USH2A: variants seen among roughly 807,000 people sequenced by gnomAD.
USH2A encodes the protein usherin.
USH2A carries 443 observed loss-of-function variants against 538.9 expected under a neutral mutation model. The ratio of observed to expected loss-of-function variants is 0.82; its 90% CI spans 0.76 to 0.89. USH2A has a LOEUF of 0.89. Ranked by LOEUF, USH2A falls within the 40% of genes least tolerant of loss-of-function variation. USH2A has a pLI of 0.00. For missense variants in USH2A, 6,633 were observed against 6,324.8 expected (o/e 1.05, Z -1.65); for synonymous variants, 2,413 against 2,273.5 (o/e 1.06, Z -1.75).
intron 20 of USH2A, among the ~76,000 whole-genome samples, chr1:216,188,697 A>G (rs1426853312): frequency 1.3e-5 from 2 of 151,946 alleles, no homozygotes; most frequent in African/African-American, 4.8e-5. Context: ...CACTGAAGGT[A>G]TCAGACATGG....
intron 14 of USH2A, among the ~76,000 whole-genome samples, chr1:216,223,326 A>T (rs115515643): frequency 1.1e-3 from 166 of 152,328 alleles, no homozygotes; most frequent in African/African-American, 3.7e-3. Context: ...GATACTTCTT[A>T]TCAGATCATA....
intron 61 of USH2A, among the ~76,000 whole-genome samples, chr1:215,684,951 A>G (rs1658364921): frequency 6.6e-6 from 1 of 151,264 alleles, no homozygotes; most frequent in Middle Eastern, 3.2e-3. Flanking sequence ...TAACCTCTGT[A>G]TTCTTAAGTT....
At chr1:216,056,971 T>C (rs1400749369) in intron 30 of USH2A, among the ~76,000 whole-genome samples, 1 of 152,234 alleles carries the variant, frequency 6.6e-6, no homozygotes, top group Non-Finnish European at 1.5e-5. Context: ...AACCTTGAAG[T>C]ATTTGTATTG....
intron 61 of USH2A, among the ~76,000 whole-genome samples, chr1:215,706,485 A>G (rs1404786767): frequency 6.6e-6 from 1 of 152,150 alleles, no homozygotes; most frequent in Non-Finnish European, 1.5e-5. Context: ...TGAAAATATG[A>G]TGACTGTTGA....
At chr1:215,704,104 G>A (rs185487295) in intron 61 of USH2A, among the ~76,000 whole-genome samples, 46 of 152,286 alleles carry the variant, frequency 3.0e-4, no homozygotes, top group Non-Finnish European at 5.4e-4. Context: ...CGGGTGAGGC[G>A]ACGCCCCACC....
At chr1:215,924,708 A>G (rs770794615) in intron 38 of USH2A, among the ~76,000 whole-genome samples, 5 of 152,126 alleles carry the variant, frequency 3.3e-5, no homozygotes, top group Non-Finnish European at 7.4e-5. Flanking sequence ...GTTAGAAAAT[A>G]TCAATGGAAC....
chr1:216,089,209 TA>T (rs1490867354), intron 22 of USH2A, 70 bp from the exon 23 acceptor site: 79 of 1,487,922 alleles, frequency 5.3e-5, no homozygotes, highest in Middle Eastern at 1.7e-4. Context: ...ACATATTTGT[TA>T]TAAACCAATT....
intron 5 of USH2A, among the ~76,000 whole-genome samples, chr1:216,325,867 A>G (rs998291878): frequency 2.0e-5 from 3 of 152,234 alleles, no homozygotes; most frequent in Non-Finnish European, 4.4e-5. Context: ...TCTGATTATT[A>G]AGATACTTAT....
chr1:215,627,434 TTCC>T (rs1558027444), intron 71 of USH2A, among the ~76,000 whole-genome samples: 2,912 of 102,330 alleles, frequency 0.028, 164 homozygotes, highest in South Asian at 0.081. Flanking sequence ...CCTTCCTTCC[TTCC>T]TTCCTTCCTT....
chr1:216,206,123 A>G (rs1178665538), intron 16 of USH2A, among the ~76,000 whole-genome samples: 1 of 152,144 alleles, frequency 6.6e-6, no homozygotes, highest in Non-Finnish European at 1.5e-5. Flanking sequence ...TAGTTCTTTA[A>G]CCTGAGAATT....
intron 43 of USH2A, among the ~76,000 whole-genome samples, chr1:215,867,926 T>G (rs1198642802): frequency 6.6e-6 from 1 of 152,166 alleles, no homozygotes; most frequent in Non-Finnish European, 1.5e-5. Flanking sequence ...CAGAAGACCA[T>G]CAGGCTTCCT....
intron 30 of USH2A, among the ~76,000 whole-genome samples, chr1:216,062,934 T>C (rs1361810196): frequency 6.6e-6 from 1 of 152,210 alleles, no homozygotes; most frequent in Non-Finnish European, 1.5e-5. Flanking sequence ...ATTTTCTGAT[T>C]AGCATTTTTT....
chr1:216,285,017 A>G (rs988159117), intron 11 of USH2A, among the ~76,000 whole-genome samples: 3 of 152,248 alleles, frequency 2.0e-5, no homozygotes, highest in African/African-American at 7.2e-5. Context: ...GAAGCAGAGC[A>G]TAAAAGTTTG....
rs2102618313 is a variant in USH2A, at chr1:215,622,912, A to G, written c.*2869T>C. On this transcript the variant is annotated 3_prime_UTR_variant, in exon 72 of 72. Coordinates refer to ENST00000307340, the MANE Select transcript of USH2A (RefSeq NM_206933.4). Reference sequence around the variant, plus strand: ...AGAATTAGGTCACATTCAAATATTTATTAAGCAAACCATCTTTAGATTAGT... The same window carrying G: ...AGAATTAGGTCACATTCAAATATTTGTTAAGCAAACCATCTTTAGATTAGT... 6.6e-6 allele frequency: 1 copy of G among 152,266 alleles called. No individual in the cohort carries two copies. The highest frequency in any genetic ancestry group is 6.5e-5 in the Admixed American group (1 of 15,282). The allele number at this position is 152,266 out of a possible 1,614,324, so 9.4% of individuals were successfully genotyped here.
intron 63 of USH2A, among the ~76,000 whole-genome samples, chr1:215,671,928 A>G (rs1463410449): frequency 6.6e-6 from 1 of 152,152 alleles, no homozygotes; most frequent in Non-Finnish European, 1.5e-5. Context: ...CCTGATACCT[A>G]ACAGCTTAAA....
chr1:215,690,183 T>C (rs941786864), intron 61 of USH2A, among the ~76,000 whole-genome samples: 1 of 152,134 alleles, frequency 6.6e-6, no homozygotes, highest in African/African-American at 2.4e-5. Context: ...CTTTAACCAA[T>C]AGTGGCCCAG....
intron 47 of USH2A, among the ~76,000 whole-genome samples, chr1:215,837,648 G>T (rs1433158676): frequency 6.6e-6 from 1 of 152,012 alleles, no homozygotes; most frequent in Non-Finnish European, 1.5e-5. Context: ...TTTTCAAAAA[G>T]ATTAAGTTAG....
chr1:216,153,059 A>T (rs2033871326), intron 21 of USH2A, among the ~76,000 whole-genome samples: 2 of 152,104 alleles, frequency 1.3e-5, no homozygotes, highest in Admixed American at 1.3e-4. Flanking sequence ...CCAGGGGAAG[A>T]TCATCTTCCC....
intron 37 of USH2A, among the ~76,000 whole-genome samples, chr1:215,949,491 G>A (rs1029735921): frequency 6.6e-6 from 1 of 151,720 alleles, no homozygotes; most frequent in Non-Finnish European, 1.5e-5. Context: ...TAACCTGAAG[G>A]GAGAAAATAA....
Sources: gnomAD v4.1 joint callset for allele counts (sites outside exome capture counted in the v4.1 genomes callset) on GRCh38, gnomAD v4.1.1 for gene constraint, MANE v1.5 for transcripts, NCBI Gene and HGNC (gene_info 2026-07-23, HGNC 2026-07-21) for gene names.